The following LUZP2 variants were observed in gnomAD, a reference collection of about 807,000 sequenced individuals.
The protein encoded by LUZP2 is leucine zipper protein 2.
LUZP2 carries 52 observed loss-of-function variants against 51.6 expected under a neutral mutation model. That is an observed-to-expected ratio of 1.01 (90% CI 0.81 to 1.27). LUZP2 has a LOEUF of 1.27. Ranked by LOEUF, LUZP2 falls within the 50% of genes most tolerant of loss-of-function variation. LUZP2 has a pLI of 0.00. For missense variants in LUZP2, 436 were observed against 395.4 expected, an observed-to-expected ratio of 1.10 and a Z score of -0.87; for synonymous variants, 154 against 137.3, an observed-to-expected ratio of 1.12 and a Z score of -0.85.
chr11:24,765,808 A>G (rs1006208276), intron 5 of LUZP2, among the ~76,000 whole-genome samples: 2 of 151,514 alleles, frequency 1.3e-5, no homozygotes, highest in Non-Finnish European at 2.9e-5. Context: ...TTGTATTTTT[A>G]ATGAAGACAG....
At chr11:25,076,733 C>CT (rs59989545) in intron 10 of LUZP2, among the ~76,000 whole-genome samples, 61,934 of 132,304 alleles carry the variant, frequency 0.47, 14,636 homozygotes, top group Non-Finnish European at 0.5. Flanking sequence ...AAGTGGAATC[C>CT]TTTTTTTTTT....
intron 1 of LUZP2, among the ~76,000 whole-genome samples, chr11:24,638,080 A>G (rs1855164273): frequency 6.6e-6 from 1 of 151,830 alleles, no homozygotes; most frequent in African/African-American, 2.4e-5. Flanking sequence ...GGAAAATAGA[A>G]AAGAACCTAC....
intron 1 of LUZP2, among the ~76,000 whole-genome samples, chr11:24,693,351 TAAGA>T (rs1291317747): frequency 6.6e-6 from 1 of 151,544 alleles, no homozygotes. Flanking sequence ...CAGGACTATC[TAAGA>T]AATAAACCTT....
At chr11:24,894,202 T>A (rs1852955991) in intron 5 of LUZP2, among the ~76,000 whole-genome samples, 1 of 149,908 alleles carries the variant, frequency 6.7e-6, no homozygotes, top group Non-Finnish European at 1.5e-5. Context: ...GTGATGGAGT[T>A]TCATTCTTGT....
At chr11:24,796,531 GTGC>G in intron 5 of LUZP2, among the ~76,000 whole-genome samples, 1 of 145,570 alleles carries the variant, frequency 6.9e-6, no homozygotes, top group Non-Finnish European at 1.5e-5. Flanking sequence ...GTGTGTGTGT[GTGC>G]CACAGCAAGG....
At chr11:24,643,278 TTAG>T (rs1855362273) in intron 1 of LUZP2, among the ~76,000 whole-genome samples, 2 of 117,544 alleles carry the variant, frequency 1.7e-5, no homozygotes, top group Non-Finnish European at 3.6e-5. Context: ...AAAAAAAAAA[TTAG>T]CTGGGCGTGG....
At chr11:24,937,041 A>G (rs905886266) in intron 7 of LUZP2, among the ~76,000 whole-genome samples, 1 of 125,564 alleles carries the variant, frequency 8.0e-6, no homozygotes, top group Non-Finnish European at 1.7e-5. Context: ...GCCTCCTGCA[A>G]TGAGAAACAC....
chr11:24,905,539 T>TA (rs975360024), intron 5 of LUZP2, among the ~76,000 whole-genome samples: 5 of 150,224 alleles, frequency 3.3e-5, no homozygotes, highest in African/African-American at 9.8e-5. Context: ...AAAAAATAAA[T>TA]AAAAAAAAAG....
At chr11:24,537,763 T>TATA (rs1851225433) in intron 1 of LUZP2, among the ~76,000 whole-genome samples, 2 of 151,918 alleles carry the variant, frequency 1.3e-5, no homozygotes, top group Middle Eastern at 3.2e-3. Flanking sequence ...CATATATTAT[T>TATA]ATATCATGAC....
At chr11:25,001,027 G>A (rs772958956) in intron 9 of LUZP2, among the ~76,000 whole-genome samples, 11 of 152,188 alleles carry the variant, frequency 7.2e-5, no homozygotes, top group Non-Finnish European at 1.2e-4. Flanking sequence ...GCCCTGCGCT[G>A]ATGGACTTGA....
At chr11:24,648,037 C>T (rs1246265837) in intron 1 of LUZP2, among the ~76,000 whole-genome samples, 1 of 151,778 alleles carries the variant, frequency 6.6e-6, no homozygotes, top group Non-Finnish European at 1.5e-5. Flanking sequence ...CTGTGCTAGC[C>T]CTGTTTTCCT....
At position 24,751,256 on chromosome 11, in the gene LUZP2, G is replaced by A. The variant is rs1033142505; in HGVS notation, c.334-11990G>A. Among the ~76,000 whole-genome samples the A allele has an allele frequency of 1.1e-4, 16 of 151,986 alleles. No homozygotes were observed. The South Asian group carries it at 2.3e-3, about 22-fold the overall frequency. The stretch of plus-strand genomic sequence containing the variant: ...GAAGCATGCGAAAAACCCAACAAAC[G>A]AAATAATGAGTGATTCCTGGAAAGA... On this transcript the variant is annotated intron_variant, in intron 4 of 11. Coordinates refer to ENST00000336930, the MANE Select transcript of LUZP2 (RefSeq NM_001009909.4).
intron 7 of LUZP2, among the ~76,000 whole-genome samples, chr11:24,955,773 A>G (rs1416634696): frequency 2.0e-5 from 3 of 152,012 alleles, no homozygotes. Flanking sequence ...AAACAAACTT[A>G]ATGACCTCTA....
At chr11:25,022,907 CAT>C (rs1857382246) in intron 9 of LUZP2, among the ~76,000 whole-genome samples, 1 of 152,080 alleles carries the variant, frequency 6.6e-6, no homozygotes, top group South Asian at 2.1e-4. Flanking sequence ...TTGAGATAAT[CAT>C]GTGATTTTTG....
intron 7 of LUZP2, among the ~76,000 whole-genome samples, chr11:24,944,800 C>T (rs1243235808): frequency 6.6e-6 from 1 of 152,094 alleles, no homozygotes; most frequent in Non-Finnish European, 1.5e-5. Flanking sequence ...AAGCTGAGAC[C>T]TGTAGTCAGA....
chr11:24,899,194 A>G (rs563247794), intron 5 of LUZP2, among the ~76,000 whole-genome samples: 34 of 152,268 alleles, frequency 2.2e-4, no homozygotes, highest in Non-Finnish European at 4.7e-4. Flanking sequence ...ATTCATTTAC[A>G]CCAAATTATG....
intron 7 of LUZP2, among the ~76,000 whole-genome samples, chr11:24,959,250 T>A (rs1281238324): frequency 6.6e-6 from 1 of 152,134 alleles, no homozygotes; most frequent in East Asian, 1.9e-4. Context: ...TCTTTTTTAG[T>A]TCCATATGAA....
At chr11:24,744,770 G>A (rs978773625) in intron 4 of LUZP2, among the ~76,000 whole-genome samples, 16 of 151,590 alleles carry the variant, frequency 1.1e-4, no homozygotes, top group Middle Eastern at 3.4e-3. Context: ...GTTTGTTCTT[G>A]TTTCTCTAGT....
At chr11:25,037,464 A>C (rs1177144486) in intron 9 of LUZP2, among the ~76,000 whole-genome samples, 4 of 152,102 alleles carry the variant, frequency 2.6e-5, no homozygotes, top group African/African-American at 9.7e-5. Context: ...TTCAAGGTTA[A>C]TACTGATATG....
Sources: gnomAD v4.1 joint callset for allele counts (sites outside exome capture counted in the v4.1 genomes callset) on GRCh38, gnomAD v4.1.1 for gene constraint, MANE v1.5 for transcripts, NCBI Gene and HGNC (gene_info 2026-07-23, HGNC 2026-07-21) for gene names.